The following PCDHGA8 variants were observed in gnomAD, a reference collection of about 807,000 sequenced individuals.
PCDHGA8 encodes the protein protocadherin gamma-A8.
PCDHGA8 carries 45 observed loss-of-function variants against 59.2 expected under a neutral mutation model. The observed-to-expected ratio is 0.76, with a 90% CI of 0.60 to 0.98. The LOEUF (loss-of-function observed/expected upper bound fraction) is 0.98, where lower values mean the gene tolerates loss of function less well. Ranked by LOEUF, PCDHGA8 falls within the 50% of genes least tolerant of loss-of-function variation. The probability of loss-of-function intolerance (pLI) is 0.00; values close to 1 mark genes in which losing one functional copy is unlikely to be tolerated. For missense variants in PCDHGA8, 1,257 were observed against 1,196.2 expected (o/e 1.05, Z -0.75); for synonymous variants, 531 against 519.0 (o/e 1.02, Z -0.32).
chr5:141,501,182 C>A (rs531641143), intron 2 of PCDHGA8, among the ~76,000 whole-genome samples: 1 of 152,126 alleles, frequency 6.6e-6, no homozygotes, highest in Non-Finnish European at 1.5e-5. Context: ...TACATTTTAA[C>A]ACAATTAAAT....
At chr5:141,509,573 C>G (rs372901649) in intron 3 of PCDHGA8, among the ~76,000 whole-genome samples, 4 of 152,164 alleles carry the variant, frequency 2.6e-5, no homozygotes, top group Admixed American at 2.6e-4. Context: ...CTTCACAGTG[C>G]GTACAAATCA....
Position 141,394,419 on chromosome 5 carries a change from G to A in PCDHGA8, c.1606G>A (p.Asp536Asn). The A allele has an allele frequency of 6.2e-7, 1 of 1,614,224 alleles. No individual in the cohort carries two copies. Among genetic ancestry groups the A allele is most frequent in the Non-Finnish European group, 8.5e-7 (1 of 1,180,048 alleles). The change falls in exon 1 of 4, where the codon GAC (aspartate) becomes AAC (asparagine). Residue 536 changes from aspartate (D) to asparagine (N), a missense_variant. Asp to Asn is a conservative substitution (Grantham distance 23). Coordinates refer to ENST00000398604, the MANE Select transcript of PCDHGA8 (RefSeq NM_032088.2). ...CCTGCAGCTACTGGTAACAGCCAGC[G>A]ACAGCGGGGACCCGCCCCTCAGCAG... Reference protein sequence around the residue: ...RDLQLLVTASDSGDPPLSSNM... With the variant: ...RDLQLLVTASNSGDPPLSSNM...
intron 1 of PCDHGA8, chr5:141,396,447 C>A: frequency 6.6e-6 from 1 of 152,186 alleles, no homozygotes. Flanking sequence ...GGTGAAACCC[C>A]GTCTCTACTA....
chr5:141,477,611 C>T lies in PCDHGA8; in HGVS notation c.2425-17196C>T. On this transcript the variant is annotated intron_variant, in intron 1 of 3. Coordinates refer to ENST00000398604, the MANE Select transcript of PCDHGA8 (RefSeq NM_032088.2). This position sits in a 1 kb window ranked among gnomAD's most constrained non-coding sequence, Gnocchi z 4.9. ...TCGGCTTTCTTTCTTTCTCTTGGAG[C>T]AAGGAGCTGAAACCGGGCTAGTGGG... is the stretch of plus-strand genomic sequence containing the variant. The T allele has an allele frequency of 6.2e-7, 1 of 1,614,188 alleles. No homozygotes were observed. The highest frequency in any genetic ancestry group is 8.5e-7 in the Non-Finnish European group (1 of 1,180,036).
chr5:141,466,450 G>A lies in PCDHGA8; in HGVS notation c.2425-28357G>A, dbSNP rs139024933. Reference sequence around the variant, plus strand: ...TAAGCTGAACCGAGATGTCTATGGTGTTGGCTATTGTTTCTGCTGTTAATT... The same window carrying A: ...TAAGCTGAACCGAGATGTCTATGGTATTGGCTATTGTTTCTGCTGTTAATT... On this transcript the variant is annotated intron_variant, in intron 1 of 3. Coordinates refer to ENST00000398604, the MANE Select transcript of PCDHGA8 (RefSeq NM_032088.2). Among the ~76,000 whole-genome samples, 714 of 152,290 alleles carry A rather than the reference G, an allele frequency of 4.7e-3. 2 individuals are homozygous for A. Among genetic ancestry groups the A allele is most frequent in the Non-Finnish European group, 7.0e-3 (479 of 68,028 alleles).
rs762910422 is a variant in PCDHGA8, at chr5:141,485,747, C to T, written c.2425-9060C>T. ...GAAGCGCAGCGACGGCAGCCTGGTCCCAGAGCTGCTCCTGGAGAAGCCTTT... is the reference window on the plus strand; with the variant it reads ...GAAGCGCAGCGACGGCAGCCTGGTCTCAGAGCTGCTCCTGGAGAAGCCTTT... On this transcript the variant is annotated intron_variant, in intron 1 of 3. Coordinates refer to ENST00000398604, the MANE Select transcript of PCDHGA8 (RefSeq NM_032088.2). This position sits in a 1 kb window ranked among gnomAD's most constrained non-coding sequence, Gnocchi z 5.7. 1 of 1,614,162 alleles carries T rather than the reference C, an allele frequency of 6.2e-7. No individual in the cohort carries two copies.
At position 141,394,150 on chromosome 5, in the gene PCDHGA8, A is replaced by C. The variant is rs781168813; in HGVS notation, c.1337A>C (p.Asn446Thr). 2 of 1,613,798 alleles carry C rather than the reference A, an allele frequency of 1.2e-6. No homozygotes were observed. The highest frequency in any genetic ancestry group is 4.5e-5 in the East Asian group (2 of 44,882). The change falls in exon 1 of 4, where the codon AAC becomes ACC. Residue 446 changes from asparagine to threonine, a missense_variant. By Grantham distance (65) the Asn-to-Thr change is moderately conservative. Coordinates refer to ENST00000398604, the MANE Select transcript of PCDHGA8 (RefSeq NM_032088.2). ...TQIALHVADINDNPPTFPHAS... is the reference protein window; with the variant it reads ...TQIALHVADITDNPPTFPHAS... The stretch of plus-strand genomic sequence containing the variant: ...ATCGCTCTGCACGTGGCAGACATTA[A>C]CGACAACCCTCCTACTTTCCCTCAT...
At chr5:141,438,610 A>G (rs2098013566) in intron 1 of PCDHGA8, among the ~76,000 whole-genome samples, 1 of 30,060 alleles carries the variant, frequency 3.3e-5, no homozygotes, top group African/African-American at 2.4e-4. Flanking sequence ...ATATATATAT[A>G]TATATATATA....
intron 1 of PCDHGA8, chr5:141,415,743 T>G (rs1317934891): frequency 9.6e-6 from 3 of 311,420 alleles, no homozygotes; most frequent in Non-Finnish European, 1.2e-5. Context: ...TATTAAGGTT[T>G]TTTTTTTTTT....
At chr5:141,480,703 C>T (rs577131684) in intron 1 of PCDHGA8, among the ~76,000 whole-genome samples, 10 of 152,252 alleles carry the variant, frequency 6.6e-5, no homozygotes, top group Admixed American at 1.3e-4. Flanking sequence ...GGCCACACCC[C>T]GACAAATGAA....
intron 1 of PCDHGA8, chr5:141,402,985 A>G: frequency 6.2e-7 from 1 of 1,609,390 alleles, no homozygotes; most frequent in Non-Finnish European, 8.5e-7. Context: ...AGCTCCGCGG[A>G]AGATTAGTCC....
At chr5:141,403,143 T>A in intron 1 of PCDHGA8, 1 of 1,613,850 alleles carries the variant, frequency 6.2e-7, no homozygotes, top group Non-Finnish European at 8.5e-7. Flanking sequence ...GAGCGCCGAG[T>A]CCGCATCGTC....
chr5:141,423,131 A>C (rs370773437), intron 1 of PCDHGA8: 1 of 1,613,538 alleles, frequency 6.2e-7, no homozygotes. Flanking sequence ...GCACTGCTGG[A>C]CAGAGACGCG....
At position 141,432,686 on chromosome 5, in the gene PCDHGA8, G is replaced by T. The variant is rs2097528577; in HGVS notation, c.2424+37449G>T. ...CAGAGACGCGCTCAAGCAGAGCCTC[G>T]TAGTGGCCGTCCAGGACCACGGCCA... On this transcript the variant is annotated intron_variant, in intron 1 of 3. Transcript: ENST00000398604. The surrounding 1 kb of genome is among the most constrained non-coding windows in gnomAD (Gnocchi z 6.0). 6.2e-7 allele frequency: 1 copy of T among 1,613,922 alleles called. No individual in the cohort carries two copies. Among genetic ancestry groups the T allele is most frequent in the Non-Finnish European group, 8.5e-7 (1 of 1,179,968 alleles).
At position 141,491,458 on chromosome 5, in the gene PCDHGA8, G is replaced by T. The variant is rs867069360; in HGVS notation, c.2425-3349G>T. 1.9e-6 allele frequency: 3 copies of T among 1,613,974 alleles called. No homozygotes were observed. The highest frequency in any genetic ancestry group is 1.6e-4 in the Middle Eastern group (1 of 6,084). On this transcript the variant is annotated intron_variant, in intron 1 of 3. Coordinates refer to ENST00000398604, the MANE Select transcript of PCDHGA8 (RefSeq NM_032088.2). This position sits in a 1 kb window ranked among gnomAD's most constrained non-coding sequence, Gnocchi z 6.9. ...CAGGCGCCAGGACTCACCCTCCCCGGACTTCTATAAGCAGTCCAGCCCCAA... is the reference window on the plus strand; with the variant it reads ...CAGGCGCCAGGACTCACCCTCCCCGTACTTCTATAAGCAGTCCAGCCCCAA...
intron 1 of PCDHGA8, chr5:141,442,120 C>G (rs766641164): frequency 6.0e-6 from 1 of 165,340 alleles, no homozygotes; most frequent in Admixed American, 6.5e-5. Flanking sequence ...CCCTCGTCGC[C>G]GACAGCCTGC....
chr5:141,460,128 T>C (rs10051366), intron 1 of PCDHGA8, among the ~76,000 whole-genome samples: 42,386 of 151,808 alleles, frequency 0.28, 6,635 homozygotes, highest in African/African-American at 0.43. Context: ...ATATGTAATA[T>C]ATATATTCTT....
Position 141,432,759 on chromosome 5 carries a change from G to A in PCDHGA8, c.2424+37522G>A. 6.2e-7 allele frequency: 1 copy of A among 1,614,150 alleles called. No individual in the cohort carries two copies. The highest frequency in any genetic ancestry group is 8.5e-7 in the Non-Finnish European group (1 of 1,180,006). On this transcript the variant is annotated intron_variant, in intron 1 of 3. Coordinates refer to ENST00000398604, the MANE Select transcript of PCDHGA8 (RefSeq NM_032088.2). This position sits in a 1 kb window ranked among gnomAD's most constrained non-coding sequence, Gnocchi z 6.0. ...ACGCTCACCGTGGCCGTGGCCGACA[G>A]CATCCCCCAAGTCCTGGCGGACCTC...
intron 1 of PCDHGA8, among the ~76,000 whole-genome samples, chr5:141,469,029 C>A (rs2099189188): frequency 6.6e-6 from 1 of 152,052 alleles, no homozygotes; most frequent in Non-Finnish European, 1.5e-5. Flanking sequence ...GTAATCCCAG[C>A]ACTTTGGGAG....
Sources: gnomAD v4.1 joint callset for allele counts (sites outside exome capture counted in the v4.1 genomes callset) on GRCh38, gnomAD v4.1.1 for gene constraint, Gnocchi (gnomAD v3.1) non-coding constraint, MANE v1.5 for transcripts, NCBI Gene and HGNC (gene_info 2026-07-23, HGNC 2026-07-21) for gene names.